Variants in SNX30 observed in about 807,000 individuals in gnomAD.
SNX30 encodes the protein sorting nexin family member 30.
Under a neutral mutation model 46.4 loss-of-function variants are expected in SNX30, and 24 were observed. That is an observed-to-expected ratio of 0.52 (90% CI 0.37 to 0.73). The LOEUF (loss-of-function observed/expected upper bound fraction) is 0.73, where lower values mean the gene tolerates loss of function less well. Ranked by LOEUF, SNX30 falls within the 30% of genes least tolerant of loss-of-function variation. The pLI, the probability that SNX30 is intolerant of heterozygous loss-of-function variation, is 0.00. For synonymous variants in SNX30, 189 were observed against 211.5 expected, an observed-to-expected ratio of 0.89 and a Z score of 0.92; for missense variants, 533 against 555.7, an observed-to-expected ratio of 0.96 and a Z score of 0.41.
At chr9:112,767,086 T>C (rs1378591747) in intron 1 of SNX30, among the ~76,000 whole-genome samples, 1 of 151,802 alleles carries the variant, frequency 6.6e-6, no homozygotes, top group Non-Finnish European at 1.5e-5. Flanking sequence ...ATACAAGGCT[T>C]CTGTTTTCTC....
chr9:112,809,868 CT>C (rs879765074), intron 2 of SNX30, among the ~76,000 whole-genome samples: 41 of 145,036 alleles, frequency 2.8e-4, no homozygotes, highest in East Asian at 7.9e-4. Flanking sequence ...GAGAGGGAGG[CT>C]TTTTTTTTTG....
intron 7 of SNX30, among the ~76,000 whole-genome samples, chr9:112,860,418 T>C (rs1474790956): frequency 6.6e-6 from 1 of 152,228 alleles, no homozygotes; most frequent in Non-Finnish European, 1.5e-5. Flanking sequence ...CCCTCCTTTC[T>C]GTGATCTGTG....
intron 6 of SNX30, among the ~76,000 whole-genome samples, chr9:112,848,059 G>T (rs750129167): frequency 6.6e-6 from 1 of 152,164 alleles, no homozygotes; most frequent in Non-Finnish European, 1.5e-5. Flanking sequence ...GGTGGGGAAT[G>T]GGTGTGTAGA....
intron 1 of SNX30, among the ~76,000 whole-genome samples, chr9:112,769,759 C>G (rs1839615818): frequency 6.6e-6 from 1 of 152,188 alleles, no homozygotes; most frequent in African/African-American, 2.4e-5. Context: ...ACTGATAACT[C>G]CAGGCCAGAA....
intron 6 of SNX30, among the ~76,000 whole-genome samples, chr9:112,849,480 C>T (rs536059672): frequency 4.6e-5 from 7 of 152,274 alleles, no homozygotes; most frequent in South Asian, 4.2e-4. Flanking sequence ...GCAGAAAGTT[C>T]CATTGAACAG....
At chr9:112,775,178 G>A (rs575899371) in intron 1 of SNX30, among the ~76,000 whole-genome samples, 44 of 126,530 alleles carry the variant, frequency 3.5e-4, no homozygotes, top group Middle Eastern at 6.1e-3. Flanking sequence ...TTTTTGAGAC[G>A]GAGTTTTACT....
chr9:112,780,251 A>G (rs1839824956), intron 1 of SNX30, among the ~76,000 whole-genome samples: 1 of 152,240 alleles, frequency 6.6e-6, no homozygotes, highest in Non-Finnish European at 1.5e-5. Flanking sequence ...GGCAAACCCA[A>G]TCACAGCCAA....
chr9:112,877,826 T>A (rs1841534945), downstream of SNX30: 1 of 152,262 alleles, frequency 6.6e-6, no homozygotes, highest in African/African-American at 2.4e-5. Context: ...CAAGCGATCC[T>A]GTCGTTTTAG....
chr9:112,882,869 G>A (rs139278428), downstream of SNX30, among the ~76,000 whole-genome samples: 412 of 152,276 alleles, frequency 2.7e-3, 4 homozygotes, highest in African/African-American at 9.3e-3. Context: ...AAAATGTAAA[G>A]TGAGAAGACA....
chr9:112,853,890 T>A (rs1304514866), intron 7 of SNX30, among the ~76,000 whole-genome samples: 1 of 152,208 alleles, frequency 6.6e-6, no homozygotes, highest in Non-Finnish European at 1.5e-5. Flanking sequence ...ATGTATGTAA[T>A]TTTATGTGTC....
At chr9:112,766,822 A>G (rs1361531728) in intron 1 of SNX30, among the ~76,000 whole-genome samples, 1 of 152,166 alleles carries the variant, frequency 6.6e-6, no homozygotes, top group African/African-American at 2.4e-5. Context: ...ATAGTATTTC[A>G]TTGTGTATAT....
intron 1 of SNX30, among the ~76,000 whole-genome samples, chr9:112,770,606 C>G (rs754471877): frequency 6.6e-6 from 1 of 152,188 alleles, no homozygotes; most frequent in Non-Finnish European, 1.5e-5. Context: ...TCTCTCTCCC[C>G]CTGCCCACTC....
chr9:112,786,284 A>C (rs1839924736), intron 1 of SNX30, among the ~76,000 whole-genome samples: 1 of 151,730 alleles, frequency 6.6e-6, no homozygotes, highest in African/African-American at 2.4e-5. Context: ...CGCTCTGCTA[A>C]TCTTTTGTAT....
intron 1 of SNX30, among the ~76,000 whole-genome samples, chr9:112,785,279 G>C (rs572781375): frequency 1.1e-4 from 16 of 151,622 alleles, no homozygotes; most frequent in African/African-American, 3.9e-4. Flanking sequence ...ATGGTAGTGT[G>C]ATCACAGCTC....
intron 6 of SNX30, among the ~76,000 whole-genome samples, chr9:112,843,488 G>T (rs776872251): frequency 6.6e-6 from 1 of 152,132 alleles, no homozygotes; most frequent in Non-Finnish European, 1.5e-5. Flanking sequence ...GAGGGGAGCA[G>T]CCAGTGCAAA....
intron 6 of SNX30, among the ~76,000 whole-genome samples, chr9:112,843,264 A>G (rs1188688708): frequency 1.3e-5 from 2 of 152,218 alleles, no homozygotes; most frequent in African/African-American, 2.4e-5. Context: ...CAAATATACA[A>G]TGATTGCACA....
intron 1 of SNX30, among the ~76,000 whole-genome samples, chr9:112,777,164 G>T (rs1839759799): frequency 6.6e-6 from 1 of 152,050 alleles, no homozygotes; most frequent in Non-Finnish European, 1.5e-5. Context: ...ATCTCTTCCA[G>T]AAATTCCTCA....
intron 4 of SNX30, among the ~76,000 whole-genome samples, chr9:112,833,920 AG>A (rs1401179821): frequency 1.3e-5 from 2 of 152,154 alleles, no homozygotes; most frequent in African/African-American, 2.4e-5. Flanking sequence ...AGAGGTGGAG[AG>A]GAACTAGAGG....
chr9:112,775,480 C>G (rs1335790885), intron 1 of SNX30, among the ~76,000 whole-genome samples: 1 of 149,016 alleles, frequency 6.7e-6, no homozygotes, highest in African/African-American at 2.5e-5. Context: ...ATCAGGAGTT[C>G]TTTATATATT....
Sources: gnomAD v4.1 joint callset for allele counts (sites outside exome capture counted in the v4.1 genomes callset) on GRCh38, gnomAD v4.1.1 for gene constraint, MANE v1.5 for transcripts, NCBI Gene and HGNC (gene_info 2026-07-23, HGNC 2026-07-21) for gene names.